The following NR1D2 variants were observed in gnomAD, a reference collection of about 807,000 sequenced individuals.
NR1D2 encodes the protein V-erbA-related protein 1-related.
A neutral mutation model predicts 52.2 loss-of-function variants in NR1D2; 25 were observed. That is an observed-to-expected ratio of 0.48 (90% CI 0.35 to 0.67). The LOEUF (loss-of-function observed/expected upper bound fraction) is 0.67. Among genes scored for constraint, NR1D2 ranks in the 30% least tolerant of loss-of-function variants. NR1D2 has a pLI of 0.01. For synonymous variants in NR1D2, 259 were observed against 230.1 expected (o/e 1.13, Z -1.14); for missense variants, 681 against 707.2 (o/e 0.96, Z 0.42).
intron 7 of NR1D2, among the ~76,000 whole-genome samples, chr3:23,976,015 G>C (rs1706715229): frequency 6.6e-6 from 1 of 152,112 alleles, no homozygotes; most frequent in African/African-American, 2.4e-5. Context: ...CCTCCCATGT[G>C]GGGGACCATT....
At chr3:23,949,707 A>G (rs1218527953) in intron 1 of NR1D2, among the ~76,000 whole-genome samples, 1 of 152,252 alleles carries the variant, frequency 6.6e-6, no homozygotes. Context: ...GAAATTATTT[A>G]TAACACTTTT....
chr3:23,970,940 C>T (rs368701911), intron 7 of NR1D2, among the ~76,000 whole-genome samples: 2 of 152,110 alleles, frequency 1.3e-5, no homozygotes, highest in African/African-American at 4.8e-5. Flanking sequence ...CACTACTACA[C>T]CCAACTAATT....
intron 7 of NR1D2, among the ~76,000 whole-genome samples, chr3:23,975,817 TC>T (rs1369495814): frequency 1.7e-4 from 26 of 152,268 alleles, no homozygotes; most frequent in Non-Finnish European, 2.6e-4. Flanking sequence ...ATCAAATTTT[TC>T]TTTTTTTGCC....
At chr3:23,971,576 CTTT>C (rs1189480740) in intron 7 of NR1D2, among the ~76,000 whole-genome samples, 2 of 152,094 alleles carry the variant, frequency 1.3e-5, no homozygotes, top group Non-Finnish European at 2.9e-5. Flanking sequence ...GCCTATACCT[CTTT>C]TTATTTAGTG....
intron 1 of NR1D2, chr3:23,946,138 G>C: frequency 1.0e-6 from 1 of 985,188 alleles, no homozygotes; most frequent in Non-Finnish European, 1.2e-6. Context: ...CCCCCGCGGG[G>C]TTGCACACTG....
chr3:23,978,217 C>G lies in NR1D2; in HGVS notation c.*798C>G, dbSNP rs1706787808. The G allele has an allele frequency of 6.6e-6, 1 of 152,074 alleles. No homozygotes were observed. Among genetic ancestry groups the G allele is most frequent in the Non-Finnish European group, 1.5e-5 (1 of 68,006 alleles). The allele number at this position is 152,074 out of a possible 1,614,324, so 9.4% of individuals were successfully genotyped here. A position where few individuals can be genotyped will look rare whatever the true frequency, so the allele number is the denominator to read the frequency against. On this transcript the variant is annotated 3_prime_UTR_variant, in exon 8 of 8. Coordinates refer to ENST00000312521, the MANE Select transcript of NR1D2 (RefSeq NM_005126.5). ...TCAAAGTTTATGGGTACAACAAAGA[C>G]ATAGTACATGTACATAATATGTATG...
intron 5 of NR1D2, chr3:23,963,451 CT>C (rs201171058): frequency 0.017 from 18,981 of 1,141,008 alleles, 93 homozygotes; most frequent in Non-Finnish European, 0.019. Context: ...TAAGTCGTTG[CT>C]TTTTTGTTTT....
chr3:23,964,606 T>A (rs1706390003), intron 5 of NR1D2, among the ~76,000 whole-genome samples: 1 of 152,224 alleles, frequency 6.6e-6, no homozygotes, highest in African/African-American at 2.4e-5. Flanking sequence ...CCATGAATAA[T>A]AGATTGAGAA....
intron 3 of NR1D2, among the ~76,000 whole-genome samples, chr3:23,957,519 A>G (rs1706118053): frequency 6.8e-6 from 1 of 147,426 alleles, no homozygotes; most frequent in Admixed American, 6.8e-5. Flanking sequence ...GATCGAGACC[A>G]TCCTGGCTAA....
chr3:23,945,705 TG>T, intron 1 of NR1D2, 111 bp downstream of exon 1: 1 of 349,668 alleles, frequency 2.9e-6, no homozygotes, highest in Non-Finnish European at 4.3e-6. Context: ...TGGGGCGGGG[TG>T]GGCTGCTGCG....
At chr3:23,948,828 C>T (rs371665735) in intron 1 of NR1D2, among the ~76,000 whole-genome samples, 9 of 152,204 alleles carry the variant, frequency 5.9e-5, no homozygotes, top group African/African-American at 1.9e-4. Flanking sequence ...AAGATTTATA[C>T]GCAACTTGGT....
intron 1 of NR1D2, among the ~76,000 whole-genome samples, chr3:23,953,370 A>AT (rs1559330558): frequency 6.8e-6 from 1 of 146,334 alleles, no homozygotes; most frequent in Non-Finnish European, 1.5e-5. Context: ...AAAAAAAAAA[A>AT]ATGCCAGTTT....
intron 4 of NR1D2, among the ~76,000 whole-genome samples, chr3:23,960,395 ACT>A (rs1323799870): frequency 5.3e-5 from 8 of 151,938 alleles, no homozygotes; most frequent in Non-Finnish European, 1.0e-4. Context: ...ACACGGTGAC[ACT>A]CTGTCTCAAT....
At chr3:23,957,502 G>T (rs895460174) in intron 3 of NR1D2, among the ~76,000 whole-genome samples, 5 of 147,522 alleles carry the variant, frequency 3.4e-5, no homozygotes, top group Non-Finnish European at 7.5e-5. Flanking sequence ...GGATCACGAG[G>T]TCAGGAGATC....
intron 1 of NR1D2, among the ~76,000 whole-genome samples, chr3:23,949,359 C>T (rs556702256): frequency 9.5e-4 from 143 of 150,678 alleles, no homozygotes; most frequent in African/African-American, 3.2e-3. Context: ...AGCGAAACTC[C>T]GTCTGAAAAA....
chr3:23,959,921 T>A, intron 4 of NR1D2, 106 bp downstream of exon 4: 2 of 1,009,552 alleles, frequency 2.0e-6, no homozygotes, highest in Non-Finnish European at 2.8e-6. Flanking sequence ...CTCTTGTATT[T>A]AAGGTGAAGC....
chr3:23,945,557 C>G lies in NR1D2; in HGVS notation c.-22C>G. ...CCCCTCTGCGGGAAGCGGGCGGCCC[C>G]GGCCGCCTCCGCGAGGGCACCATGG... On this transcript the variant is annotated 5_prime_UTR_variant, in exon 1 of 8. Transcript: ENST00000312521. 8.6e-7 allele frequency: 1 copy of G among 1,156,190 alleles called. No individual in the cohort carries two copies. 71.6% of individuals were successfully genotyped at this position (1,156,190 alleles called of 1,614,324 possible).
intron 1 of NR1D2, among the ~76,000 whole-genome samples, chr3:23,948,268 T>C (rs1705824725): frequency 6.6e-6 from 1 of 152,224 alleles, no homozygotes; most frequent in Admixed American, 6.5e-5. Flanking sequence ...GTAATCTTAC[T>C]GTCCTTCGTG....
At position 23,954,680 on chromosome 3, in the gene NR1D2, A is replaced by G. The variant is rs1374109468; in HGVS notation, c.160A>G (p.Asn54Asp). Residue 54 changes from asparagine (N) to aspartate (D), a missense_variant, in exon 2 of 8, where the codon AAT (asparagine) becomes GAT (aspartate). Coordinates refer to ENST00000312521, the MANE Select transcript of NR1D2 (RefSeq NM_005126.5). ...PNSSNSDTNG[N>D]PKNGDLANIE... ...TAGCTCTAATTCTGATACCAATGGTAATCCCAAGAATGGTGATCTCGCCAA... is the reference window on the plus strand; with the variant it reads ...TAGCTCTAATTCTGATACCAATGGTGATCCCAAGAATGGTGATCTCGCCAA... 1 of 1,614,058 alleles carries G rather than the reference A, an allele frequency of 6.2e-7. No homozygotes were observed. The highest frequency in any genetic ancestry group is 2.2e-5 in the East Asian group (1 of 44,892).
Sources: allele counts gnomAD v4.1 joint callset (sites outside exome capture counted in the v4.1 genomes callset), GRCh38; gene constraint gnomAD v4.1.1; transcripts MANE v1.5; gene names NCBI Gene and HGNC (gene_info 2026-07-23, HGNC 2026-07-21).